Variants in FASTKD1 observed in about 807,000 individuals in gnomAD.
FASTKD1 encodes the protein FAST kinase domains 1, also known as FAST kinase domain-containing protein 1, mitochondrial.
FASTKD1 carries 94 observed loss-of-function variants against 90.9 expected under a neutral mutation model. The observed-to-expected ratio is 1.03, with a 90% CI of 0.88 to 1.23. The LOEUF is 1.23. FASTKD1 is among the 50% of genes most tolerant of loss of function. The probability of loss-of-function intolerance (pLI) is 0.00; values close to 1 mark genes in which losing one functional copy is unlikely to be tolerated. For synonymous variants in FASTKD1, 319 were observed against 345.8 expected (o/e 0.92, Z 0.86); for missense variants, 945 against 993.5 (o/e 0.95, Z 0.66).
chr2:169,539,369 G>C (rs1338109224), intron 10 of FASTKD1, among the ~76,000 whole-genome samples: 2 of 152,164 alleles, frequency 1.3e-5, no homozygotes, highest in African/African-American at 4.8e-5. Flanking sequence ...CAACACTTTG[G>C]GAGGCCAAGG....
intron 2 of FASTKD1, among the ~76,000 whole-genome samples, chr2:169,570,655 C>A (rs926064534): frequency 1.3e-5 from 2 of 149,850 alleles, no homozygotes; most frequent in African/African-American, 4.9e-5. Context: ...TTACTAATTG[C>A]TGATTGTTAT....
chr2:169,554,268 A>G, intron 7 of FASTKD1, among the ~76,000 whole-genome samples: 1 of 117,386 alleles, frequency 8.5e-6, no homozygotes, highest in Admixed American at 1.0e-4. Context: ...ACAGAGTGAG[A>G]CCCTGTCTCT....
intron 7 of FASTKD1, among the ~76,000 whole-genome samples, chr2:169,548,607 C>T (rs938245554): frequency 1.3e-5 from 2 of 151,546 alleles, no homozygotes; most frequent in African/African-American, 2.4e-5. Flanking sequence ...TGGCACATGC[C>T]TGTAATCCTA....
At chr2:169,569,864 T>C (rs570188282) in intron 2 of FASTKD1, among the ~76,000 whole-genome samples, 20 of 151,900 alleles carry the variant, frequency 1.3e-4, no homozygotes, top group Non-Finnish European at 2.9e-4. Flanking sequence ...AATAAATAAA[T>C]AAAATATTTT....
intron 7 of FASTKD1, among the ~76,000 whole-genome samples, chr2:169,548,945 G>A (rs12692913): frequency 0.89 from 134,113 of 151,332 alleles, 59,606 homozygotes; most frequent in East Asian, 0.98. Flanking sequence ...ATACAAAAAA[G>A]AGTTAGCCGG....
rs1339329229 is a variant in FASTKD1 at position 169,561,977 on chromosome 2, TCA to T, written c.573-1194_573-1193del. ...TATTAATTTATTGTAAATTAATTATTCATTAATTTATTGTAAATTAATTATTC... is the reference window on the plus strand; with the variant it reads ...TATTAATTTATTGTAAATTAATTATTTTAATTTATTGTAAATTAATTATTC... On this transcript the variant is annotated intron_variant, in intron 4 of 14. Transcript: ENST00000453153. Among the ~76,000 whole-genome samples the T allele has an allele frequency of 1.4e-4, 17 of 123,324 alleles. 3 individuals are homozygous for T. Among genetic ancestry groups the T allele is most frequent in the South Asian group, 1.2e-3 (5 of 4,178 alleles). The allele number at this position is 123,324 out of a possible 152,430, so 80.9% of individuals were successfully genotyped here. A position where few individuals can be genotyped will look rare whatever the true frequency, so the allele number is the denominator to read the frequency against.
At position 169,530,572 on chromosome 2, in the gene FASTKD1, A is replaced by G. The variant is rs748088228; in HGVS notation, c.2442+15T>C. 6.9e-7 allele frequency: 1 copy of G among 1,457,182 alleles called. No homozygotes were observed. The highest frequency in any genetic ancestry group is 1.9e-5 in the Admixed American group (1 of 52,296). The allele number at this position is 1,457,182 out of a possible 1,614,324, so 90.3% of individuals were successfully genotyped here. Reference sequence around the variant, plus strand: ...CTGGGCTTTTTAGAGGCTGAATTACATGAGTATTTCATACCTGAATTACAC... The same window carrying G: ...CTGGGCTTTTTAGAGGCTGAATTACGTGAGTATTTCATACCTGAATTACAC... On this transcript the variant is annotated intron_variant, in intron 14 of 14. Coordinates refer to ENST00000453153, the MANE Select transcript of FASTKD1 (RefSeq NM_024622.6).
chr2:169,535,565 A>T (rs1684693063), intron 12 of FASTKD1, among the ~76,000 whole-genome samples: 1 of 152,230 alleles, frequency 6.6e-6, no homozygotes, highest in East Asian at 1.9e-4. Flanking sequence ...CAGCCTCCCA[A>T]AGTGCTGAGA....
intron 2 of FASTKD1, 46 bp from the exon 3 acceptor site, chr2:169,569,298 C>G: frequency 6.5e-7 from 1 of 1,534,850 alleles, no homozygotes; most frequent in Non-Finnish European, 9.0e-7. Context: ...ATTTTAAAAT[C>G]ATTAAAAACA....
intron 2 of FASTKD1, among the ~76,000 whole-genome samples, chr2:169,570,292 G>C (rs1684173701): frequency 1.3e-5 from 2 of 152,124 alleles, no homozygotes; most frequent in African/African-American, 4.8e-5. Flanking sequence ...TTGAAGGCTG[G>C]ATTTCCTTGC....
At chr2:169,537,906 C>T (rs1684792490) in intron 11 of FASTKD1, 107 bp downstream of exon 11, 1 of 932,618 alleles carries the variant, frequency 1.1e-6, no homozygotes, top group Non-Finnish European at 1.6e-6. Flanking sequence ...TCATGGCACT[C>T]TTGGGAAGGC....
rs1225429780 is a variant in FASTKD1 at position 169,561,666 on chromosome 2, AAATT to A, written c.573-885_573-882del. Among the ~76,000 whole-genome samples the A allele has an allele frequency of 8.7e-5, 13 of 149,680 alleles. 1 individual carries two copies. The highest frequency in any genetic ancestry group is 2.4e-4 in the African/African-American group (10 of 41,224). ...ATGTAAAATTTGTGAATTTGTTTATAAATTAATTATAAATTAATCCATTATAAAT... is the reference window on the plus strand; with the variant it reads ...ATGTAAAATTTGTGAATTTGTTTATAAATTATAAATTAATCCATTATAAAT... On this transcript the variant is annotated intron_variant, in intron 4 of 14. Coordinates refer to ENST00000453153, the MANE Select transcript of FASTKD1 (RefSeq NM_024622.6).
intron 13 of FASTKD1, 163 bp downstream of exon 13, chr2:169,531,189 C>T (rs1050934258): frequency 2.5e-6 from 2 of 800,838 alleles, no homozygotes; most frequent in Admixed American, 1.8e-5. Context: ...GAAGGGAGAA[C>T]ATTAAAGCAG....
At chr2:169,561,822 T>TTTATTAATTTATTGTAAA (rs1683649000) in intron 4 of FASTKD1, among the ~76,000 whole-genome samples, 2 of 119,716 alleles carry the variant, frequency 1.7e-5, no homozygotes, top group Non-Finnish European at 3.8e-5. Context: ...TTGTAAATTA[T>TTTATTAATTTATTGTAAA]TTATTAATTT....
intron 9 of FASTKD1, 136 bp from the exon 10 acceptor site, chr2:169,540,315 C>A: frequency 1.1e-6 from 1 of 883,096 alleles, no homozygotes; most frequent in South Asian, 2.4e-5. Flanking sequence ...TGTTACAAGA[C>A]AGGATAATGG....
Position 169,569,204 on chromosome 2 carries a change from T to G in FASTKD1, c.426A>C (p.Glu142Asp). 1.9e-6 allele frequency: 3 copies of G among 1,614,114 alleles called. No individual in the cohort carries two copies. The highest frequency in any genetic ancestry group is 2.5e-6 in the Non-Finnish European group (3 of 1,179,998). Residue 142 changes from glutamate (E) to aspartate (D), a missense_variant, in exon 3 of 15, where the codon GAA (glutamate) becomes GAC (aspartate). Physicochemically the swap from Glu to Asp is conservative, Grantham distance 45. Coordinates refer to ENST00000453153, the MANE Select transcript of FASTKD1 (RefSeq NM_024622.6). Reference sequence around the variant, plus strand: ...CTTGCCTTTCTAGCCTTCTCCATGCTTCTGTAACTAGTGCTTCAACTAGCG... The same window carrying G: ...CTTGCCTTTCTAGCCTTCTCCATGCGTCTGTAACTAGTGCTTCAACTAGCG... ...HDPLVEALVT[E>D]AWRRLERFDI...
At position 169,560,738 on chromosome 2, in the gene FASTKD1, T is replaced by C. The variant is rs755828320; in HGVS notation, c.620A>G (p.His207Arg). ...MVNISSLISR[H>R]FQQQLVNKTE... Reference sequence around the variant, plus strand: ...TTTGTTCACCAGTTGTTGTTGAAAATGTCGTGATATTAAAGAAGATATGTT... The same window carrying C: ...TTTGTTCACCAGTTGTTGTTGAAAACGTCGTGATATTAAAGAAGATATGTT... Residue 207 changes from histidine (H) to arginine (R), a missense_variant, in exon 5 of 15, where the codon CAT (histidine) becomes CGT (arginine). Coordinates refer to ENST00000453153, the MANE Select transcript of FASTKD1 (RefSeq NM_024622.6). 1.3e-6 allele frequency: 2 copies of C among 1,596,306 alleles called. No homozygotes were observed. Among genetic ancestry groups the C allele is most frequent in the Admixed American group, 1.8e-5 (1 of 56,128 alleles).
chr2:169,538,028 G>C lies in FASTKD1; in HGVS notation c.2059C>G (p.Gln687Glu). 1 of 1,603,682 alleles carries C rather than the reference G, an allele frequency of 6.2e-7. No individual in the cohort carries two copies. Among genetic ancestry groups the C allele is most frequent in the Non-Finnish European group, 8.5e-7 (1 of 1,177,358 alleles). Residue 687 changes from glutamine to glutamate, a missense_variant, in exon 11 of 15, where the codon CAA (glutamine) becomes GAA (glutamate). Transcript: ENST00000453153. ...QIPWFHDRFCQQYNKGIGGMD... is the reference protein window; with the variant it reads ...QIPWFHDRFCEQYNKGIGGMD... ...AAACTCAAACCTTTATTATATTGTT[G>C]ACAGAAGCGGTCATGAAACCATGGA... is the stretch of plus-strand genomic sequence containing the variant.
At chr2:169,559,545 G>A (rs552465964) in intron 5 of FASTKD1, among the ~76,000 whole-genome samples, 2 of 152,302 alleles carry the variant, frequency 1.3e-5, no homozygotes, top group South Asian at 2.1e-4. Context: ...ATCCTCATGA[G>A]TAGCTGGGAA....
Sources: allele counts gnomAD v4.1 joint callset (sites outside exome capture counted in the v4.1 genomes callset), GRCh38; gene constraint gnomAD v4.1.1; transcripts MANE v1.5; gene names NCBI Gene and HGNC (gene_info 2026-07-23, HGNC 2026-07-21).